Variants in EPHA6 observed in about 807,000 individuals in gnomAD.
The protein encoded by EPHA6 is ephrin type-A receptor 6.
EPHA6 carries 50 observed loss-of-function variants against 112.0 expected under a neutral mutation model. The observed-to-expected ratio is 0.45, with a 90% confidence interval of 0.36 to 0.56. EPHA6 has a LOEUF of 0.56. Among genes scored for constraint, EPHA6 ranks in the 20% least tolerant of loss-of-function variants. The pLI, the probability that EPHA6 is intolerant of heterozygous loss-of-function variation, is 0.00. For synonymous variants in EPHA6, 529 were observed against 490.7 expected, an observed-to-expected ratio of 1.08 and a Z score of -1.03; for missense variants, 1,280 against 1,417.4, an observed-to-expected ratio of 0.90 and a Z score of 1.56.
At chr3:96,987,290 T>C in intron 2 of EPHA6, 40 bp from the exon 3 acceptor site, 1 of 1,505,964 alleles carries the variant, frequency 6.6e-7, no homozygotes, top group South Asian at 1.3e-5. Context: ...TTAATCACTG[T>C]GGTTTAAAAT....
At position 97,614,100 on chromosome 3, in the gene EPHA6, A is replaced by T. The variant is rs554274310; in HGVS notation, c.2574+3246A>T. Among the ~76,000 whole-genome samples the T allele has an allele frequency of 4.6e-5, 7 of 152,134 alleles. No homozygotes were observed. The East Asian group carries it at 7.7e-4, about 17-fold the overall frequency. On this transcript the variant is annotated intron_variant, in intron 13 of 17. Transcript: ENST00000389672. The stretch of plus-strand genomic sequence containing the variant: ...AAGTATAGCTATAGAATACTTTAAC[A>T]TTGTTTTTTGTTTTTTGTTTTTATT...
Position 97,328,052 on chromosome 3 carries a change from C to CATATATAT in EPHA6, c.1607-77097_1607-77096insTATATATA, listed in dbSNP as rs1490094035. On this transcript the variant is annotated intron_variant, in intron 5 of 17. Coordinates refer to ENST00000389672, the MANE Select transcript of EPHA6 (RefSeq NM_001080448.3). Reference sequence around the variant, plus strand: ...ATGTGTATATATACACACATATATACACATATATATATATATATATATATA... The same window carrying CATATATAT: ...ATGTGTATATATACACACATATATACATATATATACATATATATATATATATATATATA... 3.9e-3 allele frequency among the ~76,000 whole-genome samples: 225 copies of CATATATAT among 56,984 alleles called. 9 individuals are homozygous for CATATATAT. The highest frequency in any genetic ancestry group is 0.018 in the African/African-American group (215 of 11,626). The allele number at this position is 56,984 out of a possible 152,430, so 37.4% of individuals were successfully genotyped here. A position where few individuals can be genotyped will look rare whatever the true frequency, so the allele number is the denominator to read the frequency against.
chr3:97,142,608 G>T (rs1043750034), intron 3 of EPHA6, among the ~76,000 whole-genome samples: 1 of 151,954 alleles, frequency 6.6e-6, no homozygotes, highest in African/African-American at 2.4e-5. Context: ...TCCCAAGGTT[G>T]AACCATGAAG....
chr3:97,726,781 C>T (rs6780403), intron 15 of EPHA6, among the ~76,000 whole-genome samples: 149,337 of 152,200 alleles, frequency 0.98, 73,286 homozygotes, highest in East Asian at 0.99. Context: ...CCAAGGGCAC[C>T]GTGGTTCTTC....
rs943646245 is a variant in EPHA6 at position 97,757,775 on chromosome 3, C to G, written c.*9074C>G. ...GTTTTGATCTCTAAATGCTTACATTCTTTCAAGAAGATTGCCTTCTCTTTC... is the reference window on the plus strand; with the variant it reads ...GTTTTGATCTCTAAATGCTTACATTGTTTCAAGAAGATTGCCTTCTCTTTC... On this transcript the variant is annotated 3_prime_UTR_variant, in exon 18 of 18. Coordinates refer to ENST00000389672, the MANE Select transcript of EPHA6 (RefSeq NM_001080448.3). Among the ~76,000 whole-genome samples the G allele has an allele frequency of 1.3e-5, 2 of 151,750 alleles. No individual in the cohort carries two copies. The highest frequency in any genetic ancestry group is 1.3e-4 in the Admixed American group (2 of 15,238).
At chr3:97,361,776 A>G (rs1044387732) in intron 5 of EPHA6, among the ~76,000 whole-genome samples, 1 of 152,184 alleles carries the variant, frequency 6.6e-6, no homozygotes, top group Non-Finnish European at 1.5e-5. Flanking sequence ...TCATGACCCA[A>G]TCACTTTTTA....
chr3:96,872,319 G>T (rs2036672597), intron 2 of EPHA6, among the ~76,000 whole-genome samples: 1 of 152,022 alleles, frequency 6.6e-6, no homozygotes, highest in African/African-American at 2.4e-5. Context: ...ATTGCCTGGA[G>T]ATCTCCTTGT....
chr3:97,512,739 A>T lies in EPHA6; in HGVS notation c.2201-19619A>T, dbSNP rs58225682. Among the ~76,000 whole-genome samples the T allele has an allele frequency of 2.0e-3, 309 of 152,084 alleles. 2 individuals are homozygous for T. Among genetic ancestry groups the T allele is most frequent in the Middle Eastern group, 6.8e-3 (2 of 294 alleles). On this transcript the variant is annotated intron_variant, in intron 10 of 17. Coordinates refer to ENST00000389672, the MANE Select transcript of EPHA6 (RefSeq NM_001080448.3). ...ACCACCACACCCGGCTAATTTTTGT[A>T]TTTTTAGTAGAGAAGGGGTTTCACC...
intron 3 of EPHA6, among the ~76,000 whole-genome samples, chr3:97,188,974 G>T (rs970688904): frequency 6.6e-6 from 1 of 151,572 alleles, no homozygotes; most frequent in African/African-American, 2.4e-5. Flanking sequence ...TTTAAAAATT[G>T]CTATTATTAT....
chr3:97,562,731 A>G (rs1164098257), intron 11 of EPHA6, among the ~76,000 whole-genome samples: 2 of 152,160 alleles, frequency 1.3e-5, no homozygotes, highest in Non-Finnish European at 2.9e-5. Flanking sequence ...AACAGCATTG[A>G]TGGTTCAAAG....
chr3:97,710,907 G>A (rs1037776161), intron 14 of EPHA6, among the ~76,000 whole-genome samples: 4 of 152,116 alleles, frequency 2.6e-5, no homozygotes, highest in Non-Finnish European at 4.4e-5. Context: ...TATAAATATA[G>A]GTATGCTTCA....
At chr3:97,740,380 A>G (rs1182846318) in intron 16 of EPHA6, among the ~76,000 whole-genome samples, 2 of 152,150 alleles carry the variant, frequency 1.3e-5, no homozygotes, top group Non-Finnish European at 2.9e-5. Context: ...GGGCTTCTTG[A>G]CTATCAGCTC....
intron 2 of EPHA6, among the ~76,000 whole-genome samples, chr3:96,890,130 A>T (rs116253310): frequency 0.031 from 4,751 of 152,124 alleles, 106 homozygotes; most frequent in Middle Eastern, 0.068. Context: ...ATAAAAAAAA[A>T]AACATAAAAA....
intron 5 of EPHA6, among the ~76,000 whole-genome samples, chr3:97,366,063 C>T (rs932767299): frequency 3.3e-5 from 5 of 152,172 alleles, no homozygotes; most frequent in Non-Finnish European, 7.3e-5. Flanking sequence ...ATTAAGCAGA[C>T]TATCTCTATA....
Position 97,416,894 on chromosome 3 carries a change from G to A in EPHA6, c.1731+11620G>A, listed in dbSNP as rs561830967. Among the ~76,000 whole-genome samples, 22 of 151,984 alleles carry A rather than the reference G, an allele frequency of 1.4e-4. 1 individual carries two copies. The highest frequency in any genetic ancestry group is 2.7e-4 in the Non-Finnish European group (18 of 67,908). On this transcript the variant is annotated intron_variant, in intron 6 of 17. Coordinates refer to ENST00000389672, the MANE Select transcript of EPHA6 (RefSeq NM_001080448.3). ...TTCAGGAAACTAATCTAGAAAAATT[G>A]AGTATTTTATACCTCTCATTCTCTT...
At chr3:97,025,377 G>C (rs1005153227) in intron 3 of EPHA6, among the ~76,000 whole-genome samples, 3 of 151,954 alleles carry the variant, frequency 2.0e-5, no homozygotes, top group Non-Finnish European at 2.9e-5. Context: ...TAGTACTTTG[G>C]GTAGAAAAAT....
intron 2 of EPHA6, among the ~76,000 whole-genome samples, chr3:96,937,791 G>A (rs1314613114): frequency 6.6e-6 from 1 of 152,084 alleles, no homozygotes; most frequent in East Asian, 1.9e-4. Flanking sequence ...TGTATAAGGT[G>A]TAAGGAAGGG....
intron 5 of EPHA6, among the ~76,000 whole-genome samples, chr3:97,272,040 T>C: frequency 6.6e-6 from 1 of 152,224 alleles, no homozygotes; most frequent in East Asian, 1.9e-4. Flanking sequence ...TTATTTATCC[T>C]ACATAACTAC....
intron 2 of EPHA6, among the ~76,000 whole-genome samples, chr3:96,940,994 G>T (rs2040909148): frequency 2.0e-5 from 3 of 152,224 alleles, no homozygotes; most frequent in African/African-American, 7.2e-5. Context: ...GCTTCCCTTT[G>T]TGGGTAACCC....
Sources: allele counts gnomAD v4.1 joint callset (sites outside exome capture counted in the v4.1 genomes callset), GRCh38; gene constraint gnomAD v4.1.1; transcripts MANE v1.5; gene names NCBI Gene and HGNC (gene_info 2026-07-23, HGNC 2026-07-21).